SPMIP8: variants seen among roughly 807,000 people sequenced by gnomAD.
SPMIP8 encodes the protein testicular tissue protein Li 196.
the SPMIP8 span, chr16:57,986,323 G>T: frequency 4.9e-6 from 1 of 205,876 alleles, no homozygotes; most frequent in African/African-American, 2.3e-5. Flanking sequence ...GGTCTTCCCG[G>T]CAGGGTCGCC....
At chr16:57,981,593 C>T in the SPMIP8 span, among the ~76,000 whole-genome samples, 2 of 133,268 alleles carry the variant, frequency 1.5e-5, no homozygotes, top group African/African-American at 6.0e-5. Context: ...CTCACTGCAA[C>T]TTCCGCCTCC....
the SPMIP8 span, among the ~76,000 whole-genome samples, chr16:57,977,407 C>CAAAT: frequency 1.0e-5 from 1 of 99,832 alleles, no homozygotes; most frequent in Non-Finnish European, 2.0e-5. Flanking sequence ...GAGACTGTCT[C>CAAAT]AAAAAAAAAA....
chr16:57,987,332 A>G, the SPMIP8 span: 6 of 1,427,982 alleles, frequency 4.2e-6, no homozygotes, highest in African/African-American at 1.5e-5. Context: ...CTAGAGGGGA[A>G]AAGCCTGATT....
the SPMIP8 span, among the ~76,000 whole-genome samples, chr16:57,985,726 G>A: frequency 6.6e-6 from 1 of 152,130 alleles, no homozygotes; most frequent in Admixed American, 6.5e-5. Context: ...CTACTAAACG[G>A]AGCACCTTGC....
the SPMIP8 span, chr16:57,987,360 T>A: frequency 6.6e-7 from 1 of 1,513,426 alleles, no homozygotes; most frequent in Non-Finnish European, 8.8e-7. Flanking sequence ...TAGGACACCC[T>A]GGAAACCCCC....
At chr16:57,984,311 G>A in the SPMIP8 span, 1 of 1,614,208 alleles carries the variant, frequency 6.2e-7, no homozygotes, top group Non-Finnish European at 8.5e-7. Flanking sequence ...AGATGAATTT[G>A]ACAACGCCCA....
the SPMIP8 span, chr16:57,985,630 G>A: frequency 6.7e-7 from 1 of 1,497,078 alleles, no homozygotes; most frequent in Non-Finnish European, 8.9e-7. Flanking sequence ...CACAGGCAAT[G>A]CCCCTTGAAA....
At chr16:57,984,684 A>G in the SPMIP8 span, 3 of 1,596,114 alleles carry the variant, frequency 1.9e-6, no homozygotes, top group Non-Finnish European at 2.6e-6. Flanking sequence ...CCACGAGGGA[A>G]AGCTGGCGCC....
At chr16:57,978,738 C>T in the SPMIP8 span, among the ~76,000 whole-genome samples, 1 of 152,012 alleles carries the variant, frequency 6.6e-6, no homozygotes. Flanking sequence ...ATCTCAGCCT[C>T]CCGAATAGCT....
the SPMIP8 span, among the ~76,000 whole-genome samples, chr16:57,981,379 C>CAAT: frequency 5.4e-4 from 28 of 51,788 alleles, no homozygotes; most frequent in Non-Finnish European, 9.1e-4. Flanking sequence ...CACTCCGTCT[C>CAAT]AATAATAATA....
At chr16:57,985,563 G>A in the SPMIP8 span, 3 of 1,581,390 alleles carry the variant, frequency 1.9e-6, no homozygotes, top group South Asian at 1.2e-5. Flanking sequence ...GACGCCACGC[G>A]CCCGGGGACC....
At chr16:57,981,413 AATT>A in the SPMIP8 span, among the ~76,000 whole-genome samples, 7 of 137,472 alleles carry the variant, frequency 5.1e-5, no homozygotes, top group Non-Finnish European at 9.3e-5. Flanking sequence ...TTATAATAAT[AATT>A]ATTATTATTA....
the SPMIP8 span, among the ~76,000 whole-genome samples, chr16:57,977,560 A>AGT: frequency 0.092 from 12,223 of 132,548 alleles, 603 homozygotes; most frequent in Non-Finnish European, 0.1. Context: ...GCACAATGTG[A>AGT]GTGTGTGTGT....
the SPMIP8 span, among the ~76,000 whole-genome samples, chr16:57,981,484 T>G: frequency 4.3e-3 from 598 of 138,232 alleles, 10 homozygotes; most frequent in African/African-American, 0.015. Context: ...TCTTGTAATC[T>G]CTCTCTCTCT....
chr16:57,977,560 A>AGTGTGTGTGTGTGTGTGTGT, the SPMIP8 span, among the ~76,000 whole-genome samples: 2 of 132,642 alleles, frequency 1.5e-5, no homozygotes, highest in East Asian at 2.1e-4. Context: ...GCACAATGTG[A>AGTGTGTGTGTGTGTGTGTGT]GTGTGTGTGT....
At chr16:57,984,268 G>A in the SPMIP8 span, 1 of 1,610,556 alleles carries the variant, frequency 6.2e-7, no homozygotes, top group Non-Finnish European at 8.5e-7. Flanking sequence ...ACTGGTGAAG[G>A]AGACACCTCT....
chr16:57,984,431 G>T, the SPMIP8 span: 1 of 1,493,846 alleles, frequency 6.7e-7, no homozygotes, highest in Non-Finnish European at 9.0e-7. Context: ...TCTGGTCCTG[G>T]GATCTACACC....
chr16:57,986,797 A>T, the SPMIP8 span: 128,315 of 152,052 alleles, frequency 0.84, 54,904 homozygotes, highest in African/African-American at 0.94. Flanking sequence ...TTTCACCATG[A>T]TGGTCAGGCT....
the SPMIP8 span, chr16:57,984,494 A>C: frequency 1.3e-6 from 2 of 1,513,192 alleles, no homozygotes; most frequent in Non-Finnish European, 9.0e-7. Flanking sequence ...ACATCACCCC[A>C]TCCGGGTTCA....
Sources: gnomAD v4.1 joint callset for allele counts (sites outside exome capture counted in the v4.1 genomes callset) on GRCh38, gnomAD v4.1.1 for gene constraint, MANE v1.5 for transcripts, NCBI Gene and HGNC (gene_info 2026-07-23, HGNC 2026-07-21) for gene names.